The following FNDC3A variants were observed in gnomAD, a reference collection of about 807,000 sequenced individuals.
The protein encoded by FNDC3A is fibronectin type-III domain-containing protein 3A.
Under a neutral mutation model 148.9 loss-of-function variants are expected in FNDC3A, and 32 were observed. The observed-to-expected ratio is 0.21, with a 90% CI of 0.16 to 0.29. FNDC3A has a LOEUF of 0.29. Among genes scored for constraint, FNDC3A ranks in the 10% least tolerant of loss-of-function variants. The pLI, the probability that FNDC3A is intolerant of heterozygous loss-of-function variation, is 1.00. For synonymous variants in FNDC3A, 472 were observed against 473.6 expected (o/e 1.00, Z 0.04); for missense variants, 1,191 against 1,452.8 (o/e 0.82, Z 2.93).
chr13:49,107,723 A>C (rs58653331), intron 3 of FNDC3A, among the ~76,000 whole-genome samples: 1 of 152,232 alleles, frequency 6.6e-6, no homozygotes, highest in South Asian at 2.1e-4. Context: ...GAGGGCTCTT[A>C]AAGTGTAACG....
chr13:49,047,454 A>G (rs139727910), intron 2 of FNDC3A, among the ~76,000 whole-genome samples: 1 of 152,072 alleles, frequency 6.6e-6, no homozygotes, highest in East Asian at 1.9e-4. Flanking sequence ...GTGTAAAAGC[A>G]TCTATTATTT....
chr13:49,198,522 T>C lies in FNDC3A; in HGVS notation c.2935T>C (p.Leu979=), dbSNP rs1464393237. Residue 979 remains leucine (L), a synonymous_variant, in exon 23 of 26, where the codon TTG becomes CTG. Coordinates refer to ENST00000492622, the MANE Select transcript of FNDC3A (RefSeq NM_001079673.2). ...ATGGGGAGAAGGAACTCCAAAGACATTGTCAACCGATTCTATTCAGTACCA... is the reference window on the plus strand; with the variant it reads ...ATGGGGAGAAGGAACTCCAAAGACACTGTCAACCGATTCTATTCAGTACCA... ...LKWGEGTPKT[L]STDSIQYHLQ... 9 of 1,614,142 alleles carry C rather than the reference T, an allele frequency of 5.6e-6. No homozygotes were observed. In the East Asian group the frequency reaches 1.6e-4, roughly 28 times the overall value.
At chr13:49,189,224 G>T (rs1312518938) in intron 17 of FNDC3A, among the ~76,000 whole-genome samples, 1 of 150,464 alleles carries the variant, frequency 6.6e-6, no homozygotes, top group African/African-American at 2.5e-5. Context: ...GCAGTGGCAC[G>T]ATTGGGGCTC....
intron 2 of FNDC3A, among the ~76,000 whole-genome samples, chr13:49,020,201 T>C (rs1176122480): frequency 6.6e-6 from 1 of 152,060 alleles, no homozygotes; most frequent in East Asian, 1.9e-4. Context: ...GATTAAAATG[T>C]TTAAGGAGAG....
Position 49,179,971 on chromosome 13 carries a change from G to A in FNDC3A, c.1617+1317G>A, listed in dbSNP as rs1168954456. On this transcript the variant is annotated intron_variant, in intron 14 of 25. Transcript: ENST00000492622. ...CCTGAGCACCCTCCCAATGGACACA[G>A]CTAGGAACTATATGTGTGTATATGT... 2.0e-5 allele frequency among the ~76,000 whole-genome samples: 3 copies of A among 152,256 alleles called. No homozygotes were observed. The East Asian group carries it at 5.8e-4, about 29-fold the overall frequency.
chr13:49,077,171 G>T (rs1397101399), intron 3 of FNDC3A, among the ~76,000 whole-genome samples: 1 of 152,230 alleles, frequency 6.6e-6, no homozygotes, highest in African/African-American at 2.4e-5. Context: ...CTACTCGAGA[G>T]ATAAGGTTGG....
chr13:49,120,102 T>C (rs898117250), intron 4 of FNDC3A, among the ~76,000 whole-genome samples: 2 of 152,148 alleles, frequency 1.3e-5, no homozygotes, highest in African/African-American at 2.4e-5. Flanking sequence ...AAGGTCAGGT[T>C]ACCCACAAAG....
intron 2 of FNDC3A, among the ~76,000 whole-genome samples, chr13:49,009,831 A>T (rs1421124638): frequency 6.6e-6 from 1 of 152,238 alleles, no homozygotes; most frequent in Admixed American, 6.5e-5. Context: ...GATTGAATAC[A>T]TTTAAAGTTT....
rs568019622 is a variant in FNDC3A at position 49,042,112 on chromosome 13, T to C, written c.100-33177T>C. ...TGGGAGTAAAAAGGAGCCAGCCTTATGAAGATCTTGGGAGAAGAGCCATAA... is the reference window on the plus strand; with the variant it reads ...TGGGAGTAAAAAGGAGCCAGCCTTACGAAGATCTTGGGAGAAGAGCCATAA... On this transcript the variant is annotated intron_variant, in intron 2 of 25. Coordinates refer to ENST00000492622, the MANE Select transcript of FNDC3A (RefSeq NM_001079673.2). Among the ~76,000 whole-genome samples, 3 of 152,264 alleles carry C rather than the reference T, an allele frequency of 2.0e-5. No homozygotes were observed. The South Asian group carries it at 6.2e-4, about 32-fold the overall frequency.
chr13:49,006,082 C>G (rs563475557), intron 1 of FNDC3A, 70 bp from the exon 2 acceptor site: 101 of 528,174 alleles, frequency 1.9e-4, no homozygotes, highest in African/African-American at 1.8e-3. Context: ...AATGAAACAT[C>G]TTGAATGTAC....
chr13:49,019,514 GTGAGA>G (rs1873149817), intron 2 of FNDC3A, among the ~76,000 whole-genome samples: 1 of 152,198 alleles, frequency 6.6e-6, no homozygotes, highest in African/African-American at 2.4e-5. Flanking sequence ...GCACTCCCTA[GTGAGA>G]TGAACCCGGT....
chr13:49,015,925 A>T (rs1389459804), intron 2 of FNDC3A, among the ~76,000 whole-genome samples: 210 of 151,572 alleles, frequency 1.4e-3, no homozygotes, highest in African/African-American at 4.9e-3. Flanking sequence ...GCGTATATTG[A>T]ACCAGCCTTG....
intron 2 of FNDC3A, among the ~76,000 whole-genome samples, chr13:49,054,115 C>G (rs1046819490): frequency 6.6e-6 from 1 of 152,062 alleles, no homozygotes; most frequent in Non-Finnish European, 1.5e-5. Context: ...GCATGTCTAA[C>G]CACTCCTTTC....
intron 3 of FNDC3A, among the ~76,000 whole-genome samples, chr13:49,110,084 T>C (rs1880447909): frequency 6.6e-6 from 1 of 152,218 alleles, no homozygotes; most frequent in Admixed American, 6.5e-5. Context: ...TATACTTTGA[T>C]GAGCTTTTGA....
chr13:49,164,476 A>G (rs985984018), intron 8 of FNDC3A, among the ~76,000 whole-genome samples: 1 of 152,034 alleles, frequency 6.6e-6, no homozygotes, highest in African/African-American at 2.4e-5. Flanking sequence ...GTTTTCAGCT[A>G]TTATTTTGTT....
intron 2 of FNDC3A, among the ~76,000 whole-genome samples, chr13:49,043,790 TATTC>T (rs1267278677): frequency 1.3e-5 from 2 of 152,210 alleles, no homozygotes; most frequent in Non-Finnish European, 2.9e-5. Context: ...CATTTTCTAA[TATTC>T]AGCATAATGA....
intron 2 of FNDC3A, among the ~76,000 whole-genome samples, chr13:49,068,659 C>T (rs1265674452): frequency 2.0e-5 from 3 of 152,142 alleles, no homozygotes; most frequent in Non-Finnish European, 4.4e-5. Flanking sequence ...AACCTAAATG[C>T]CTCTCAGTGG....
At chr13:49,104,109 A>G (rs991537722) in intron 3 of FNDC3A, among the ~76,000 whole-genome samples, 2 of 152,206 alleles carry the variant, frequency 1.3e-5, no homozygotes, top group Non-Finnish European at 2.9e-5. Context: ...TTAAGGAAGA[A>G]TATTTAAGAG....
intron 4 of FNDC3A, among the ~76,000 whole-genome samples, chr13:49,126,377 C>T (rs1881700796): frequency 6.6e-6 from 1 of 152,008 alleles, no homozygotes; most frequent in African/African-American, 2.4e-5. Flanking sequence ...CATTGCACTA[C>T]CAGCTCCACC....
Sources: gnomAD v4.1 joint callset for allele counts (sites outside exome capture counted in the v4.1 genomes callset) on GRCh38, gnomAD v4.1.1 for gene constraint, MANE v1.5 for transcripts, NCBI Gene and HGNC (gene_info 2026-07-23, HGNC 2026-07-21) for gene names.